KL: variants seen among roughly 807,000 people sequenced by gnomAD.
KL encodes alpha-klotho.
A neutral mutation model predicts 84.2 loss-of-function variants in KL; 62 were observed. The ratio of observed to expected loss-of-function variants is 0.74; its 90% CI spans 0.60 to 0.91. The LOEUF (loss-of-function observed/expected upper bound fraction) is 0.91. Ranked by LOEUF, KL falls within the 40% of genes least tolerant of loss-of-function variation. KL has a pLI of 0.00. For synonymous variants in KL, 528 were observed against 528.0 expected (o/e 1.00, Z 0.00); for missense variants, 1,261 against 1,305.7 (o/e 0.97, Z 0.53).
At chr13:33,019,732 T>TGTGTGTGA (rs139721497) in intron 1 of KL, among the ~76,000 whole-genome samples, 56 of 133,464 alleles carry the variant, frequency 4.2e-4, no homozygotes, top group African/African-American at 5.6e-4. Context: ...TGTGTGTGTG[T>TGTGTGTGA]GAGAGAGAGA....
rs913347894 is a variant in KL at position 33,033,934 on chromosome 13, AT to A, written c.819+16684del. On this transcript the variant is annotated intron_variant, in intron 1 of 4. Coordinates refer to ENST00000380099, the MANE Select transcript of KL (RefSeq NM_004795.4). The stretch of plus-strand genomic sequence containing the variant: ...AACACAAACCCTCTAGTATAAAAGC[AT>A]TTTTTTTTAAAAAAGATGAACACAC... Among the ~76,000 whole-genome samples, 338 of 151,486 alleles carry A rather than the reference AT, an allele frequency of 2.2e-3. 1 individual carries two copies. Among genetic ancestry groups the A allele is most frequent in the African/African-American group, 7.4e-3 (306 of 41,328 alleles).
At chr13:33,037,295 G>A (rs544916) in intron 1 of KL, among the ~76,000 whole-genome samples, 47,361 of 151,932 alleles carry the variant, frequency 0.31, 8,659 homozygotes, top group Admixed American at 0.43. Flanking sequence ...GTCTTGGCAT[G>A]AGAATTATGC....
chr13:33,036,704 C>T (rs1251641429), intron 1 of KL, among the ~76,000 whole-genome samples: 1 of 152,076 alleles, frequency 6.6e-6, no homozygotes, highest in East Asian at 1.9e-4. Context: ...TTCATGACAG[C>T]AGGTGTTTTA....
rs1483081709 is a variant in KL, at chr13:33,017,070, C to T, written c.630C>T (p.Arg210=). 3 of 1,602,304 alleles carry T rather than the reference C, an allele frequency of 1.9e-6. No homozygotes were observed. The highest frequency in any genetic ancestry group is 2.5e-6 in the Non-Finnish European group (3 of 1,178,520). ...LQDAYGGWAN[R]ALADHFRDYA... is the part of the protein sequence containing the mutation. The stretch of plus-strand genomic sequence containing the variant: ...ACGCCTACGGCGGCTGGGCCAACCG[C>T]GCCCTGGCCGACCACTTCAGGGATT... Residue 210 remains arginine (R), a synonymous_variant, in exon 1 of 5, where the codon CGC becomes CGT. Transcript: ENST00000380099.
At chr13:33,036,380 C>T (rs1871146387) in intron 1 of KL, among the ~76,000 whole-genome samples, 1 of 150,962 alleles carries the variant, frequency 6.6e-6, no homozygotes, top group South Asian at 2.1e-4. Context: ...CACATACATA[C>T]CACACACATG....
chr13:33,061,618 G>A lies in KL; in HGVS notation c.2539G>A (p.Val847Ile), dbSNP rs1260165393. ...GCTCAACTCCCCCAGTCAGGTGGCG[G>A]TAGTGCCCTGGGGGTTGCGCAAAGT... The part of the protein sequence containing the change: ...TWLNSPSQVA[V>I]VPWGLRKVLN... Residue 847 changes from valine to isoleucine, a missense_variant, in exon 4 of 5, where the codon GTA becomes ATA. Physicochemically the swap from Val to Ile is conservative, Grantham distance 29 (BLOSUM62 3). Coordinates refer to ENST00000380099, the MANE Select transcript of KL (RefSeq NM_004795.4). The A allele has an allele frequency of 1.2e-6, 2 of 1,614,188 alleles. No homozygotes were observed. The highest frequency in any genetic ancestry group is 2.2e-5 in the East Asian group (1 of 44,892).
intron 1 of KL, among the ~76,000 whole-genome samples, chr13:33,041,140 C>A (rs985880831): frequency 2.0e-5 from 3 of 152,058 alleles, no homozygotes; most frequent in Non-Finnish European, 4.4e-5. Flanking sequence ...ACAATGAGTA[C>A]ATTTACATAG....
chr13:33,045,347 G>T (rs558642117), intron 1 of KL, among the ~76,000 whole-genome samples: 16 of 152,256 alleles, frequency 1.1e-4, no homozygotes, highest in Non-Finnish European at 2.2e-4. Context: ...CTTCCTAATT[G>T]CTCTGGCAAG....
At chr13:33,058,280 T>G (rs191945543) in intron 3 of KL, among the ~76,000 whole-genome samples, 314 of 152,290 alleles carry the variant, frequency 2.1e-3, no homozygotes, top group Middle Eastern at 0.02. Context: ...TAGTAAAATC[T>G]TAGTTAACAA....
intron 1 of KL, among the ~76,000 whole-genome samples, chr13:33,024,765 A>G (rs1870703755): frequency 6.6e-6 from 1 of 152,092 alleles, no homozygotes; most frequent in Non-Finnish European, 1.5e-5. Context: ...TCTTCCATAG[A>G]GACCTGTGTC....
chr13:33,022,463 AAC>A lies in KL; in HGVS notation c.819+5210_819+5211del, dbSNP rs572248654. Among the ~76,000 whole-genome samples the A allele has an allele frequency of 8.7e-4, 133 of 152,360 alleles. 1 individual carries two copies. The highest frequency in any genetic ancestry group is 3.4e-3 in the Middle Eastern group (1 of 294). On this transcript the variant is annotated intron_variant, in intron 1 of 4. Transcript: ENST00000380099. ...GGACAAGTAATAATAGGTGAGTAAAAACACACAGCTTATTGAATTGTCTCAGA... is the reference window on the plus strand; with the variant it reads ...GGACAAGTAATAATAGGTGAGTAAAAACACAGCTTATTGAATTGTCTCAGA...
intron 1 of KL, among the ~76,000 whole-genome samples, chr13:33,025,332 T>TA (rs2138194252): frequency 6.6e-6 from 1 of 152,336 alleles, no homozygotes; most frequent in Non-Finnish European, 1.5e-5. Flanking sequence ...TTGCAACTAT[T>TA]ACACAGTTCT....
In KL at chr13:33,064,263, G is replaced by T; in HGVS notation, c.*77G>T. Reference sequence around the variant, plus strand: ...AGCTGTTAACCATTTGCACCTCTAAGTGTTGTGAAACTGTAAATTTCATAC... The same window carrying T: ...AGCTGTTAACCATTTGCACCTCTAATTGTTGTGAAACTGTAAATTTCATAC... On this transcript the variant is annotated 3_prime_UTR_variant, in exon 5 of 5. Coordinates refer to ENST00000380099, the MANE Select transcript of KL (RefSeq NM_004795.4). The T allele has an allele frequency of 8.9e-7, 1 of 1,118,658 alleles. No individual in the cohort carries two copies. The highest frequency in any genetic ancestry group is 1.4e-5 in the South Asian group (1 of 71,826). The allele number at this position is 1,118,658 out of a possible 1,614,324, so 69.3% of individuals were successfully genotyped here.
At chr13:33,020,003 G>T (rs1870515900) in intron 1 of KL, among the ~76,000 whole-genome samples, 2 of 152,152 alleles carry the variant, frequency 1.3e-5, no homozygotes, top group African/African-American at 4.8e-5. Flanking sequence ...GTGCCTCTGA[G>T]TCTTTGTTCT....
At chr13:33,049,953 C>T (rs1047369612) in intron 1 of KL, among the ~76,000 whole-genome samples, 1 of 152,148 alleles carries the variant, frequency 6.6e-6, no homozygotes, top group Admixed American at 6.5e-5. Context: ...ATAAATCCCT[C>T]CAGATCAAAG....
chr13:33,026,018 C>G (rs996702659), intron 1 of KL, among the ~76,000 whole-genome samples: 1 of 152,152 alleles, frequency 6.6e-6, no homozygotes, highest in Non-Finnish European at 1.5e-5. Context: ...AATGTTGGTA[C>G]GCTTATACAG....
chr13:33,060,193 C>T (rs1290786030), intron 3 of KL, among the ~76,000 whole-genome samples: 6 of 152,176 alleles, frequency 3.9e-5, no homozygotes, highest in Admixed American at 2.0e-4. Flanking sequence ...GACCCTCCCG[C>T]CTCGGCCTCT....
chr13:33,057,219 T>C (rs1311138462), intron 3 of KL, among the ~76,000 whole-genome samples: 1 of 152,068 alleles, frequency 6.6e-6, no homozygotes, highest in Admixed American at 6.5e-5. Context: ...CAGTCCTTTG[T>C]ATGCGGCACA....
intron 3 of KL, 35 bp downstream of exon 3, chr13:33,055,350 C>A (rs769129498): frequency 2.5e-6 from 4 of 1,613,830 alleles, no homozygotes; most frequent in Middle Eastern, 3.3e-4. Flanking sequence ...AGCAGTCTCA[C>A]CAAGCCCTAT....
Sources: gnomAD v4.1 joint callset for allele counts (sites outside exome capture counted in the v4.1 genomes callset) on GRCh38, gnomAD v4.1.1 for gene constraint, MANE v1.5 for transcripts, NCBI Gene and HGNC (gene_info 2026-07-23, HGNC 2026-07-21) for gene names.